The following DMRT1 variants were observed in gnomAD, a reference collection of about 807,000 sequenced individuals.
DMRT1 encodes the protein doublesex and mab-3 related transcription factor 1.
DMRT1 carries 7 observed loss-of-function variants against 32.3 expected under a neutral mutation model. The ratio of observed to expected loss-of-function variants is 0.22; its 90% confidence interval spans 0.12 to 0.41. The LOEUF (loss-of-function observed/expected upper bound fraction) is 0.41, where lower values mean the gene tolerates loss of function less well. DMRT1 is among the 10% of genes least tolerant of loss of function. The pLI, the probability that DMRT1 is intolerant of heterozygous loss-of-function variation, is 1.00. For missense variants in DMRT1, 625 were observed against 500.5 expected (o/e 1.25, Z -2.37); for synonymous variants, 278 against 206.1 (o/e 1.35, Z -2.99).
chr9:934,946 A>C (rs999459164), intron 4 of DMRT1, among the ~76,000 whole-genome samples: 1 of 152,160 alleles, frequency 6.6e-6, no homozygotes, highest in Non-Finnish European at 1.5e-5. Context: ...TTTCTCGGTT[A>C]TCTTACTTTT....
intron 2 of DMRT1, among the ~76,000 whole-genome samples, chr9:855,036 C>G (rs373845787): frequency 4.3e-4 from 65 of 151,292 alleles, no homozygotes; most frequent in African/African-American, 1.5e-3. Flanking sequence ...CAAAGTGCTG[C>G]GATTACAGGG....
intron 2 of DMRT1, among the ~76,000 whole-genome samples, chr9:873,366 C>T (rs948250847): frequency 2.7e-5 from 4 of 150,786 alleles, no homozygotes; most frequent in South Asian, 2.1e-4. Flanking sequence ...AGTGCAGTGG[C>T]GCAATCTTGG....
chr9:849,930 A>G (rs1168302602), intron 2 of DMRT1, among the ~76,000 whole-genome samples: 3 of 151,542 alleles, frequency 2.0e-5, no homozygotes, highest in Non-Finnish European at 4.4e-5. Flanking sequence ...TTCAAGCGAT[A>G]CTCCTGCCTC....
At chr9:922,410 G>A (rs1360627792) in intron 4 of DMRT1, among the ~76,000 whole-genome samples, 5 of 152,254 alleles carry the variant, frequency 3.3e-5, no homozygotes, top group Non-Finnish European at 7.4e-5. Context: ...AGTGGGAACA[G>A]CTTTGAAATG....
At chr9:890,432 A>G (rs1266008125) in intron 2 of DMRT1, among the ~76,000 whole-genome samples, 1 of 152,232 alleles carries the variant, frequency 6.6e-6, no homozygotes, top group Non-Finnish European at 1.5e-5. Context: ...GTGCATTTAC[A>G]GGAGCCTAGC....
chr9:890,466 A>G (rs901771094), intron 2 of DMRT1, among the ~76,000 whole-genome samples: 4 of 152,210 alleles, frequency 2.6e-5, no homozygotes, highest in East Asian at 1.9e-4. Context: ...GTTTCCTTTC[A>G]GAGAAAAGTG....
At position 841,798 on chromosome 9, in the gene DMRT1, A is replaced by T. The variant is rs752002999; in HGVS notation, c.-41A>T. 1 of 1,578,954 alleles carries T rather than the reference A, an allele frequency of 6.3e-7. No individual in the cohort carries two copies. Among genetic ancestry groups the T allele is most frequent in the Non-Finnish European group, 8.6e-7 (1 of 1,163,006 alleles). On this transcript the variant is annotated 5_prime_UTR_variant, in exon 1 of 5. Transcript: ENST00000382276. ...CATCCCTCGCAGCAGTCTCCAGGCG[A>T]GAGAGGGGGCCAGAGTGCTCGCACT... is the stretch of plus-strand genomic sequence containing the variant.
At chr9:843,066 G>C (rs1315805854) in intron 1 of DMRT1, 1 of 152,206 alleles carries the variant, frequency 6.6e-6, no homozygotes, top group Non-Finnish European at 1.5e-5. Context: ...AAAAATCTCC[G>C]ACCGCGCCTT....
chr9:872,681 G>C (rs73639458), intron 2 of DMRT1, among the ~76,000 whole-genome samples: 1,836 of 152,250 alleles, frequency 0.012, 30 homozygotes, highest in African/African-American at 0.041. Flanking sequence ...TTACTTATCA[G>C]TATTTTATTG....
At chr9:895,441 T>G (rs1586581512) in intron 3 of DMRT1, among the ~76,000 whole-genome samples, 1 of 152,326 alleles carries the variant, frequency 6.6e-6, no homozygotes, top group South Asian at 2.1e-4. Context: ...ATGCTCAGGC[T>G]TCCTCAGTGG....
At chr9:909,844 C>T (rs886744992) in intron 3 of DMRT1, among the ~76,000 whole-genome samples, 1 of 152,114 alleles carries the variant, frequency 6.6e-6, no homozygotes, top group Non-Finnish European at 1.5e-5. Context: ...TCCTGAGTAG[C>T]TGGGAACACA....
At chr9:916,678 C>T in intron 3 of DMRT1, 85 bp from the exon 4 acceptor site, 1 of 1,538,540 alleles carries the variant, frequency 6.5e-7, no homozygotes, top group South Asian at 1.1e-5. Context: ...AGCCTGTTAC[C>T]TTGTTTTAAA....
intron 3 of DMRT1, among the ~76,000 whole-genome samples, chr9:898,016 A>C (rs1817437883): frequency 6.6e-6 from 1 of 152,190 alleles, no homozygotes; most frequent in Non-Finnish European, 1.5e-5. Flanking sequence ...TATTAAAATT[A>C]AATAGTAAAA....
At chr9:894,308 C>T (rs982033475) in intron 3 of DMRT1, 113 bp downstream of exon 3, 1 of 1,102,084 alleles carries the variant, frequency 9.1e-7, no homozygotes, top group Non-Finnish European at 1.4e-6. Flanking sequence ...CAGAGGCACA[C>T]ACAGGTGACA....
intron 4 of DMRT1, among the ~76,000 whole-genome samples, chr9:950,713 A>C (rs1819401280): frequency 1.3e-5 from 2 of 152,126 alleles, no homozygotes; most frequent in African/African-American, 4.8e-5. Flanking sequence ...CCTTCCTAAG[A>C]ATTCCTGTTT....
At chr9:951,385 A>G (rs1245258154) in intron 4 of DMRT1, among the ~76,000 whole-genome samples, 1 of 152,208 alleles carries the variant, frequency 6.6e-6, no homozygotes, top group Non-Finnish European at 1.5e-5. Context: ...CAGTAACCTT[A>G]ATCAGCAAGA....
chr9:904,388 A>T (rs186222407), intron 3 of DMRT1, among the ~76,000 whole-genome samples: 6 of 152,302 alleles, frequency 3.9e-5, no homozygotes, highest in African/African-American at 1.2e-4. Context: ...GTGGTCTCTT[A>T]AGTGTTCCTC....
intron 1 of DMRT1, 22 bp from the exon 2 acceptor site, chr9:846,938 A>T: frequency 3.7e-6 from 6 of 1,613,914 alleles, no homozygotes; most frequent in Non-Finnish European, 5.1e-6. Context: ...CTGGAGGATG[A>T]CTCATTGTCG....
rs867327947 is a variant in DMRT1, at chr9:879,309, A to G, written c.539-14603A>G. On this transcript the variant is annotated intron_variant, in intron 2 of 4. Transcript: ENST00000382276. Reference sequence around the variant, plus strand: ...AAAATTGAGAAATGAAAAAAAAATTATGCTTTTAAAATAATAAACTCATTA... The same window carrying G: ...AAAATTGAGAAATGAAAAAAAAATTGTGCTTTTAAAATAATAAACTCATTA... Among the ~76,000 whole-genome samples the G allele has an allele frequency of 2.8e-4, 43 of 152,330 alleles. 1 individual carries two copies. Among genetic ancestry groups the G allele is most frequent in the Middle Eastern group, 3.4e-3 (1 of 294 alleles).
Sources: gnomAD v4.1 joint callset for allele counts (sites outside exome capture counted in the v4.1 genomes callset) on GRCh38, gnomAD v4.1.1 for gene constraint, MANE v1.5 for transcripts, NCBI Gene and HGNC (gene_info 2026-07-23, HGNC 2026-07-21) for gene names.